Variants in TRIM5 observed in about 807,000 individuals in gnomAD.
The protein encoded by TRIM5 is tripartite motif-containing protein 5.
TRIM5 carries 31 observed loss-of-function variants against 35.6 expected under a neutral mutation model. The observed-to-expected ratio is 0.87, with a 90% CI of 0.65 to 1.18. TRIM5 has a LOEUF of 1.18. Ranked by LOEUF, TRIM5 falls within the 50% of genes most tolerant of loss-of-function variation. The probability of loss-of-function intolerance (pLI) is 0.00; values close to 1 mark genes in which losing one functional copy is unlikely to be tolerated. For missense variants in TRIM5, 609 were observed against 591.6 expected (o/e 1.03, Z -0.31); for synonymous variants, 243 against 215.6 (o/e 1.13, Z -1.11).
the TRIM5 span, chr11:5,643,112 T>C: frequency 4.4e-6 from 5 of 1,135,036 alleles, no homozygotes; most frequent in African/African-American, 1.1e-4. Context: ...TATATTCATA[T>C]ACATATATAT....
the TRIM5 span, among the ~76,000 whole-genome samples, chr11:5,616,647 T>G: frequency 1.4e-5 from 2 of 145,338 alleles, no homozygotes; most frequent in South Asian, 4.5e-4. Flanking sequence ...TTTGGGGTTT[T>G]AGGGTTCCAA....
At chr11:5,657,675 A>AATAT in the TRIM5 span, among the ~76,000 whole-genome samples, 175 of 118,984 alleles carry the variant, frequency 1.5e-3, 1 homozygote, top group Non-Finnish European at 2.2e-3. Flanking sequence ...TTTATAATAT[A>AATAT]ATATATATAT....
downstream of TRIM5, among the ~76,000 whole-genome samples, chr11:5,658,359 C>G (rs1425711909): frequency 6.6e-6 from 1 of 152,180 alleles, no homozygotes; most frequent in Non-Finnish European, 1.5e-5. Flanking sequence ...GCCTCTTCAT[C>G]CACCTCGCTG....
the TRIM5 span, among the ~76,000 whole-genome samples, chr11:5,630,610 T>C: frequency 1.3e-5 from 2 of 152,242 alleles, no homozygotes; most frequent in Non-Finnish European, 2.9e-5. Flanking sequence ...CTGCCTAAAA[T>C]ATTTGTTTTC....
rs76663679 is a variant in TRIM5 at position 5,663,437 on chromosome 11, G to C, written c.*1372C>G. ...GTAGTATCTGAGATCTAAAAAATGAGAATTTAGTAAATCCAATCCTAGTTT... is the reference window on the plus strand; with the variant it reads ...GTAGTATCTGAGATCTAAAAAATGACAATTTAGTAAATCCAATCCTAGTTT... On this transcript the variant is annotated 3_prime_UTR_variant, in exon 8 of 8. Transcript: ENST00000380034. 100 of 984,924 alleles carry C rather than the reference G, an allele frequency of 1.0e-4. 1 individual carries two copies. The highest frequency in any genetic ancestry group is 3.1e-5 in the Non-Finnish European group (26 of 829,650). The allele number at this position is 984,924 out of a possible 1,614,324, so 61.0% of individuals were successfully genotyped here. A position where few individuals can be genotyped will look rare whatever the true frequency, so the allele number is the denominator to read the frequency against.
chr11:5,641,766 T>G, the TRIM5 span, among the ~76,000 whole-genome samples: 1 of 152,200 alleles, frequency 6.6e-6, no homozygotes, highest in South Asian at 2.1e-4. Context: ...CCTTGTTCCT[T>G]GTGTCTACCA....
rs755310516 is a variant in TRIM5, at chr11:5,679,155, T to C, written c.432A>G (p.Ala144=). 1.9e-6 allele frequency: 3 copies of C among 1,613,894 alleles called. No homozygotes were observed. In the Admixed American group the frequency reaches 5.0e-5, roughly 27 times the overall value. ...GCTTCTGCCTCAGCATCTCCAGAGC[T>C]GCCTGGAGCTTCACCTGTGAGAAAG... ...VAREYQVKLQ[A]ALEMLRQKQQ... is the part of the protein sequence containing the mutation. The change falls in exon 3 of 8, where the codon GCA becomes GCG. Residue 144 remains alanine, a synonymous_variant. Transcript: ENST00000380034.
downstream of TRIM5, among the ~76,000 whole-genome samples, chr11:5,662,675 A>C (rs963669437): frequency 4.6e-5 from 7 of 152,244 alleles, no homozygotes; most frequent in Non-Finnish European, 8.8e-5. Context: ...CCCATTTATA[A>C]ACACTTATTT....
At chr11:5,634,529 ACAT>A in the TRIM5 span, 2 of 579,616 alleles carry the variant, frequency 3.5e-6, no homozygotes, top group Non-Finnish European at 5.1e-6. Context: ...ACACACACAC[ACAT>A]ATATATATAT....
the TRIM5 span, among the ~76,000 whole-genome samples, chr11:5,645,392 CAAA>C: frequency 6.3e-5 from 6 of 95,778 alleles, no homozygotes; most frequent in Admixed American, 1.2e-4. Flanking sequence ...AACTCTGTCT[CAAA>C]AAAAAAAAAA....
chr11:5,635,496 T>A, the TRIM5 span, among the ~76,000 whole-genome samples: 1 of 152,124 alleles, frequency 6.6e-6, no homozygotes, highest in Admixed American at 6.5e-5. Flanking sequence ...GACCTCGTGG[T>A]CCGCCTGCCT....
chr11:5,616,727 C>T, the TRIM5 span, among the ~76,000 whole-genome samples: 2 of 113,908 alleles, frequency 1.8e-5, no homozygotes, highest in African/African-American at 3.2e-5. Context: ...TGTTTGAGGC[C>T]GAGAATAACC....
At chr11:5,595,645 G>A in the TRIM5 span, among the ~76,000 whole-genome samples, 1 of 152,084 alleles carries the variant, frequency 6.6e-6, no homozygotes, top group South Asian at 2.1e-4. Flanking sequence ...TCTCTGGCCT[G>A]GTGTTCTCAA....
At chr11:5,593,637 T>C in the TRIM5 span, among the ~76,000 whole-genome samples, 2,027 of 152,280 alleles carry the variant, frequency 0.013, 52 homozygotes, top group African/African-American at 0.045. Flanking sequence ...TATCCACTTA[T>C]TGCTATTAAG....
chr11:5,646,895 T>C, the TRIM5 span, among the ~76,000 whole-genome samples: 1 of 152,194 alleles, frequency 6.6e-6, no homozygotes, highest in Non-Finnish European at 1.5e-5. Context: ...TCTCCCTCTC[T>C]ACCTTCTTGA....
At chr11:5,611,571 A>C in the TRIM5 span, 1 of 454,554 alleles carries the variant, frequency 2.2e-6, no homozygotes, top group African/African-American at 2.0e-5. Context: ...CTCCTGCCTC[A>C]GCATCCCAAG....
In TRIM5 at chr11:5,663,699, T is replaced by G; in HGVS notation, c.*1110A>C. The G allele has an allele frequency of 2.0e-6, 1 of 507,890 alleles. No individual in the cohort carries two copies. Among genetic ancestry groups the G allele is most frequent in the Non-Finnish European group, 2.5e-6 (1 of 393,482 alleles). 31.5% of individuals were successfully genotyped at this position (507,890 alleles called of 1,614,324 possible). A position where few individuals can be genotyped will look rare whatever the true frequency, so the allele number is the denominator to read the frequency against. ...ACAGTGTGATGTTTTGATACATGTA[T>G]ACATTGCGTAATAACCGAACCAGGG... On this transcript the variant is annotated 3_prime_UTR_variant, in exon 8 of 8. Coordinates refer to ENST00000380034, the MANE Select transcript of TRIM5 (RefSeq NM_033034.3).
chr11:5,667,515 T>C (rs1851234246), intron 5 of TRIM5, among the ~76,000 whole-genome samples, 174 bp downstream of exon 5: 1 of 152,188 alleles, frequency 6.6e-6, no homozygotes, highest in Non-Finnish European at 1.5e-5. Context: ...GGTCTATTCT[T>C]AATAGTTATA....
At chr11:5,648,633 A>G in the TRIM5 span, among the ~76,000 whole-genome samples, 10 of 152,238 alleles carry the variant, frequency 6.6e-5, no homozygotes, top group Non-Finnish European at 1.2e-4. Flanking sequence ...GACAAAAAAA[A>G]TAAGCATAAG....
Sources: allele counts gnomAD v4.1 joint callset (sites outside exome capture counted in the v4.1 genomes callset), GRCh38; gene constraint gnomAD v4.1.1; transcripts MANE v1.5; gene names NCBI Gene and HGNC (gene_info 2026-07-23, HGNC 2026-07-21).